CHODL: variants seen among roughly 807,000 people sequenced by gnomAD.
CHODL encodes the protein chondrolectin.
Under a neutral mutation model 34.5 loss-of-function variants are expected in CHODL, and 29 were observed. That is an observed-to-expected ratio of 0.84 (90% confidence interval 0.63 to 1.15). The LOEUF (loss-of-function observed/expected upper bound fraction) is 1.15. CHODL is among the 50% of genes most tolerant of loss of function. The probability of loss-of-function intolerance (pLI) is 0.00; values close to 1 mark genes in which losing one functional copy is unlikely to be tolerated. For synonymous variants in CHODL, 125 were observed against 116.1 expected (o/e 1.08, Z -0.49); for missense variants, 332 against 332.5 (o/e 1.00, Z 0.01).
chr21:18,159,513 T>C (rs1169615021), intron 2 of CHODL, among the ~76,000 whole-genome samples: 1 of 152,220 alleles, frequency 6.6e-6, no homozygotes, highest in Non-Finnish European at 1.5e-5. Flanking sequence ...ACTCATGACT[T>C]AATTGTCAAA....
chr21:17,922,549 C>G (rs1000643046), intron 1 of CHODL, among the ~76,000 whole-genome samples: 1 of 152,162 alleles, frequency 6.6e-6, no homozygotes, highest in African/African-American at 2.4e-5. Context: ...GTTGTTAGCA[C>G]ACTTATCTAT....
intron 2 of CHODL, among the ~76,000 whole-genome samples, chr21:18,146,528 C>G (rs905918065): frequency 6.6e-6 from 1 of 152,058 alleles, no homozygotes; most frequent in Non-Finnish European, 1.5e-5. Context: ...CAGCACTTCT[C>G]TCTCCTGCTG....
intron 1 of CHODL, among the ~76,000 whole-genome samples, chr21:17,936,010 G>T (rs959222146): frequency 1.3e-5 from 2 of 152,220 alleles, no homozygotes; most frequent in African/African-American, 4.8e-5. Flanking sequence ...TTAGACAGGG[G>T]CTGCTTTATC....
intron 2 of CHODL, among the ~76,000 whole-genome samples, chr21:18,193,065 A>G (rs1486933219): frequency 2.0e-5 from 3 of 152,212 alleles, no homozygotes; most frequent in Admixed American, 2.0e-4. Context: ...TACACTAAAA[A>G]TATAGTCAAA....
At chr21:18,255,711 A>T (rs2074307257) in intron 1 of CHODL, among the ~76,000 whole-genome samples, 2 of 151,956 alleles carry the variant, frequency 1.3e-5, no homozygotes, top group Admixed American at 6.6e-5. Flanking sequence ...TCCTTTTTTT[A>T]AAAAAGTACT....
At chr21:18,055,939 T>C (rs1159731274) in intron 2 of CHODL, among the ~76,000 whole-genome samples, 1 of 152,022 alleles carries the variant, frequency 6.6e-6, no homozygotes, top group East Asian at 1.9e-4. Flanking sequence ...TTTCTGTCTC[T>C]TTTTGTCATA....
intron 1 of CHODL, among the ~76,000 whole-genome samples, chr21:17,991,058 A>T (rs2063793249): frequency 6.6e-6 from 1 of 152,112 alleles, no homozygotes; most frequent in African/African-American, 2.4e-5. Flanking sequence ...AGAACGTTTG[A>T]TATTTGTCTG....
At chr21:18,234,373 G>T (rs938396442) in intron 2 of CHODL, among the ~76,000 whole-genome samples, 1 of 152,052 alleles carries the variant, frequency 6.6e-6, no homozygotes, top group Non-Finnish European at 1.5e-5. Context: ...TCTACTGGCC[G>T]TGAAGCCTCA....
chr21:18,180,194 C>T (rs2073365490), intron 2 of CHODL, among the ~76,000 whole-genome samples: 2 of 152,012 alleles, frequency 1.3e-5, no homozygotes, highest in Non-Finnish European at 2.9e-5. Flanking sequence ...GCTGTGTCAC[C>T]AAGGCTGGAG....
rs116427045 is a variant in CHODL, at chr21:17,928,127, A to T, written c.-145+10727A>T. Among the ~76,000 whole-genome samples the T allele has an allele frequency of 7.7e-3, 1,166 of 152,354 alleles. 20 individuals carry two copies. The highest frequency in any genetic ancestry group is 0.026 in the African/African-American group (1,087 of 41,578). ...TAAGGGTTGTTCTCATCTTTCAAAT[A>T]TTTAAAGATCTTGTAAGAATTAATA... On this transcript the variant is annotated intron_variant, in intron 1 of 6. Transcript: ENST00000400127.
chr21:18,200,295 CAA>C (rs2146707279), intron 2 of CHODL, among the ~76,000 whole-genome samples: 1 of 152,148 alleles, frequency 6.6e-6, no homozygotes, highest in African/African-American at 2.4e-5. Context: ...ATTATACTGA[CAA>C]AATGTATAAA....
chr21:18,196,042 A>G (rs1424638671), intron 2 of CHODL, among the ~76,000 whole-genome samples: 2 of 152,082 alleles, frequency 1.3e-5, no homozygotes, highest in African/African-American at 4.8e-5. Context: ...GTGTAATATA[A>G]GAGTGTTGGA....
chr21:18,099,892 A>G (rs1156935514), intron 2 of CHODL: 2 of 152,128 alleles, frequency 1.3e-5, no homozygotes, highest in East Asian at 1.9e-4. Context: ...AAGCCCCCAG[A>G]CAATTTCATC....
chr21:18,262,325 C>T (rs981559616), intron 4 of CHODL, among the ~76,000 whole-genome samples: 10 of 152,062 alleles, frequency 6.6e-5, no homozygotes, highest in African/African-American at 1.7e-4. Flanking sequence ...TGTCATTGTG[C>T]GAACATCATA....
chr21:17,996,244 T>C (rs2063848497), intron 1 of CHODL, among the ~76,000 whole-genome samples: 1 of 152,180 alleles, frequency 6.6e-6, no homozygotes, highest in Non-Finnish European at 1.5e-5. Flanking sequence ...GAAGTTTCAA[T>C]GTAAATTATA....
chr21:18,058,378 G>GT (rs2064610735), intron 2 of CHODL, among the ~76,000 whole-genome samples: 1 of 152,138 alleles, frequency 6.6e-6, no homozygotes, highest in Admixed American at 6.6e-5. Flanking sequence ...GAAAATCAGT[G>GT]TATCAAAGAG....
intron 1 of CHODL, among the ~76,000 whole-genome samples, chr21:17,962,856 G>C (rs995098717): frequency 1.3e-5 from 2 of 152,024 alleles, no homozygotes; most frequent in African/African-American, 4.8e-5. Context: ...GAGGTCAGGA[G>C]ATCGAGACCA....
intron 1 of CHODL, among the ~76,000 whole-genome samples, chr21:17,998,226 T>A (rs1220148401): frequency 6.6e-6 from 1 of 152,214 alleles, no homozygotes; most frequent in Non-Finnish European, 1.5e-5. Context: ...TCCTTTGACT[T>A]CAGGTCTCAC....
At chr21:18,106,155 C>T (rs1438644211) in intron 2 of CHODL, among the ~76,000 whole-genome samples, 1 of 152,126 alleles carries the variant, frequency 6.6e-6, no homozygotes, top group Non-Finnish European at 1.5e-5. Context: ...CAAAGTTCTT[C>T]CTTGATTTGT....
Sources: allele counts gnomAD v4.1 joint callset (sites outside exome capture counted in the v4.1 genomes callset), GRCh38; gene constraint gnomAD v4.1.1; transcripts MANE v1.5; gene names NCBI Gene and HGNC (gene_info 2026-07-23, HGNC 2026-07-21).